Variants in SH3RF1 observed in about 807,000 individuals in gnomAD.
SH3RF1 encodes E3 ubiquitin-protein ligase SH3RF1.
SH3RF1 carries 32 observed loss-of-function variants against 74.0 expected under a neutral mutation model. That is an observed-to-expected ratio of 0.43 (90% CI 0.33 to 0.58). The LOEUF (loss-of-function observed/expected upper bound fraction) is 0.58, where lower values mean the gene tolerates loss of function less well. Among genes scored for constraint, SH3RF1 ranks in the 20% least tolerant of loss-of-function variants. The probability of loss-of-function intolerance (pLI) is 0.05; values close to 1 mark genes in which losing one functional copy is unlikely to be tolerated. For missense variants in SH3RF1, 954 were observed against 1,130.9 expected (o/e 0.84, Z 2.24); for synonymous variants, 396 against 439.6 (o/e 0.90, Z 1.24).
chr4:169,176,556 T>G (rs1387969138), intron 2 of SH3RF1, among the ~76,000 whole-genome samples: 1 of 152,222 alleles, frequency 6.6e-6, no homozygotes, highest in Non-Finnish European at 1.5e-5. Context: ...TTTGGTTTTT[T>G]TTGAGACAGA....
intron 5 of SH3RF1, among the ~76,000 whole-genome samples, chr4:169,132,076 G>C (rs1370264253): frequency 6.6e-6 from 1 of 152,160 alleles, no homozygotes; most frequent in African/African-American, 2.4e-5. Context: ...ACAAATCTCT[G>C]CTTTTGTTGC....
At chr4:169,256,726 A>C (rs1731199383) in intron 2 of SH3RF1, among the ~76,000 whole-genome samples, 1 of 151,974 alleles carries the variant, frequency 6.6e-6, no homozygotes, top group African/African-American at 2.4e-5. Context: ...CCTCCTGAGG[A>C]GCTCGGACTA....
At chr4:169,166,272 A>T (rs1188744402) in intron 2 of SH3RF1, 1 of 152,796 alleles carries the variant, frequency 6.5e-6, no homozygotes, top group African/African-American at 2.4e-5. Context: ...ATCTTGCCAG[A>T]TGGTGGTGAA....
At chr4:169,229,523 T>C (rs975930922) in intron 2 of SH3RF1, among the ~76,000 whole-genome samples, 3 of 151,804 alleles carry the variant, frequency 2.0e-5, no homozygotes, top group Non-Finnish European at 4.4e-5. Flanking sequence ...AAAGGACGTA[T>C]ACCATGCCTC....
chr4:169,257,733 T>C (rs1038201928), intron 2 of SH3RF1, among the ~76,000 whole-genome samples: 1 of 152,224 alleles, frequency 6.6e-6, no homozygotes, highest in Non-Finnish European at 1.5e-5. Context: ...GTGTAACAAC[T>C]TTAGATGAAG....
At chr4:169,212,449 G>C (rs1359749428) in intron 2 of SH3RF1, among the ~76,000 whole-genome samples, 2 of 152,164 alleles carry the variant, frequency 1.3e-5, no homozygotes, top group African/African-American at 4.8e-5. Flanking sequence ...ACAAGAGAAT[G>C]ACACAATAAT....
intron 2 of SH3RF1, among the ~76,000 whole-genome samples, chr4:169,203,072 ATTG>A (rs1734937187): frequency 1.3e-5 from 2 of 152,220 alleles, no homozygotes; most frequent in Non-Finnish European, 2.9e-5. Context: ...AAACCTGTTT[ATTG>A]TTAAGAAAAT....
chr4:169,154,342 T>C (rs767205122), intron 4 of SH3RF1, among the ~76,000 whole-genome samples: 4 of 152,176 alleles, frequency 2.6e-5, no homozygotes, highest in Non-Finnish European at 5.9e-5. Context: ...TATGAAAACG[T>C]TGGCAATCTC....
At chr4:169,166,041 T>C (rs1371139704) in intron 2 of SH3RF1, among the ~76,000 whole-genome samples, 1 of 152,012 alleles carries the variant, frequency 6.6e-6, no homozygotes, top group Admixed American at 6.6e-5. Flanking sequence ...CTTAGTGATG[T>C]GTAGGGAGGG....
intron 2 of SH3RF1, among the ~76,000 whole-genome samples, chr4:169,241,570 G>GAACTCCAC (rs56023845): frequency 0.72 from 108,478 of 150,980 alleles, 39,503 homozygotes; most frequent in East Asian, 0.92. Flanking sequence ...CAGCACTCCT[G>GAACTCCAC]AACTCCACCA....
At chr4:169,270,605 C>A (rs1026373955) in intron 1 of SH3RF1, among the ~76,000 whole-genome samples, 2 of 152,216 alleles carry the variant, frequency 1.3e-5, no homozygotes, top group Non-Finnish European at 2.9e-5. Context: ...ATCCGGGAAG[C>A]AGGGGGTGCT....
At chr4:169,228,107 T>C (rs1199503762) in intron 2 of SH3RF1, among the ~76,000 whole-genome samples, 1 of 152,232 alleles carries the variant, frequency 6.6e-6, no homozygotes, top group Non-Finnish European at 1.5e-5. Context: ...GAGCAGACCA[T>C]CATTGAATAG....
intron 2 of SH3RF1, among the ~76,000 whole-genome samples, chr4:169,238,997 A>G (rs1730862057): frequency 6.7e-6 from 1 of 148,960 alleles, no homozygotes; most frequent in East Asian, 1.9e-4. Context: ...TTTCAGTCTC[A>G]AGATACCATG....
intron 2 of SH3RF1, among the ~76,000 whole-genome samples, chr4:169,248,129 C>T (rs1731035181): frequency 6.6e-6 from 1 of 152,170 alleles, no homozygotes; most frequent in Non-Finnish European, 1.5e-5. Flanking sequence ...CCAGCAATCC[C>T]ATTGGTGGAT....
chr4:169,211,193 G>A (rs962456960), intron 2 of SH3RF1, among the ~76,000 whole-genome samples: 3 of 152,076 alleles, frequency 2.0e-5, no homozygotes, highest in African/African-American at 2.4e-5. Flanking sequence ...GAAACTAGCC[G>A]GGCACGGTGT....
At chr4:169,174,266 T>C (rs933884278) in intron 2 of SH3RF1, among the ~76,000 whole-genome samples, 4 of 152,182 alleles carry the variant, frequency 2.6e-5, no homozygotes, top group African/African-American at 9.7e-5. Flanking sequence ...CTCTCTATGT[T>C]GCCTAGGCTG....
At chr4:169,112,337 G>T (rs2126940779) in intron 10 of SH3RF1, among the ~76,000 whole-genome samples, 1 of 152,286 alleles carries the variant, frequency 6.6e-6, no homozygotes, top group African/African-American at 2.4e-5. Context: ...ACTAGAGGGA[G>T]GGCAGAAACC....
chr4:169,138,293 G>A (rs952691195), intron 4 of SH3RF1, among the ~76,000 whole-genome samples: 2 of 152,154 alleles, frequency 1.3e-5, no homozygotes, highest in African/African-American at 4.8e-5. Flanking sequence ...ACCATGGAGG[G>A]GTAGGGTCCT....
intron 4 of SH3RF1, among the ~76,000 whole-genome samples, chr4:169,151,607 C>A (rs1422964356): frequency 1.3e-5 from 2 of 152,048 alleles, no homozygotes; most frequent in African/African-American, 4.8e-5. Flanking sequence ...ACAGCTGACA[C>A]GAGATCTAAA....
Sources: gnomAD v4.1 joint callset for allele counts (sites outside exome capture counted in the v4.1 genomes callset) on GRCh38, gnomAD v4.1.1 for gene constraint, MANE v1.5 for transcripts, NCBI Gene and HGNC (gene_info 2026-07-23, HGNC 2026-07-21) for gene names.